ZFP1: variants seen among roughly 807,000 people sequenced by gnomAD.
ZFP1 encodes ZFP1 zinc finger protein.
A neutral mutation model predicts 38.5 loss-of-function variants in ZFP1; 32 were observed. That is an observed-to-expected ratio of 0.83 (90% CI 0.63 to 1.12). ZFP1 has a LOEUF of 1.12. Among genes scored for constraint, ZFP1 ranks in the 50% most tolerant of loss-of-function variants. The pLI is 0.00. For missense variants in ZFP1, 616 were observed against 480.8 expected (o/e 1.28, Z -2.63); for synonymous variants, 245 against 168.8 (o/e 1.45, Z -3.50).
At chr16:75,135,574 C>T in the ZFP1 span, among the ~76,000 whole-genome samples, 2 of 152,092 alleles carry the variant, frequency 1.3e-5, no homozygotes, top group Non-Finnish European at 2.9e-5. Context: ...CAAAGCTGTC[C>T]TCGAGTCTGG....
At chr16:75,131,025 C>G in the ZFP1 span, among the ~76,000 whole-genome samples, 2 of 152,146 alleles carry the variant, frequency 1.3e-5, no homozygotes, top group South Asian at 2.1e-4. Context: ...CCGCTTCCTC[C>G]CAACCTCCTC....
chr16:75,146,185 C>T (rs569690488), upstream of ZFP1, among the ~76,000 whole-genome samples: 20 of 148,278 alleles, frequency 1.3e-4, no homozygotes, highest in East Asian at 3.2e-3. Flanking sequence ...TTTTTGGAGA[C>T]GGGGTCTCGC....
the ZFP1 span, among the ~76,000 whole-genome samples, chr16:75,141,567 C>G: frequency 1.3e-5 from 2 of 151,894 alleles, no homozygotes; most frequent in Non-Finnish European, 2.9e-5. Context: ...AAAAAATGCA[C>G]TTAGGGCACA....
the ZFP1 span, among the ~76,000 whole-genome samples, chr16:75,120,518 GTTTTTTTTTGTT>G: frequency 2.1e-5 from 3 of 139,844 alleles, no homozygotes; most frequent in Non-Finnish European, 3.1e-5. Flanking sequence ...TTTTTTTTGG[GTTTTTTTTTGTT>G]TTTTTTTTTG....
the ZFP1 span, among the ~76,000 whole-genome samples, chr16:75,121,109 A>G: frequency 2.6e-5 from 4 of 152,088 alleles, no homozygotes; most frequent in Admixed American, 6.5e-5. Flanking sequence ...CTTAAAAGGT[A>G]GTCCCTTTAT....
chr16:75,121,366 C>A, the ZFP1 span, among the ~76,000 whole-genome samples: 2 of 151,966 alleles, frequency 1.3e-5, no homozygotes, highest in African/African-American at 4.8e-5. Context: ...ACCTTGTGAT[C>A]CGCCCACCTC....
intron 1 of ZFP1, chr16:75,149,058 G>C (rs2037043920): frequency 6.6e-6 from 1 of 151,328 alleles, no homozygotes; most frequent in Admixed American, 6.7e-5. Context: ...TGCCTCGTGG[G>C]TGGAGGAAGG....
chr16:75,142,968 C>A, the ZFP1 span, among the ~76,000 whole-genome samples: 63 of 151,916 alleles, frequency 4.1e-4, no homozygotes, highest in Middle Eastern at 3.4e-3. Flanking sequence ...TCCCAAAGTG[C>A]TGGGATTACA....
the ZFP1 span, among the ~76,000 whole-genome samples, chr16:75,139,654 C>T: frequency 2.0e-5 from 3 of 152,120 alleles, no homozygotes; most frequent in Non-Finnish European, 2.9e-5. Context: ...TGAGCTACCA[C>T]ACCTGGCCAG....
At chr16:75,141,741 T>TA in the ZFP1 span, among the ~76,000 whole-genome samples, 7,074 of 128,968 alleles carry the variant, frequency 0.055, 594 homozygotes, top group African/African-American at 0.19. Flanking sequence ...ACAAATTAAT[T>TA]TAAAAAAAAA....
intron 2 of ZFP1, 126 bp downstream of exon 2, chr16:75,153,092 A>C (rs946057619): frequency 1.0e-5 from 13 of 1,284,446 alleles, no homozygotes; most frequent in Non-Finnish European, 1.4e-5. Flanking sequence ...TAACTAATCA[A>C]TACCAGCAGC....
the ZFP1 span, among the ~76,000 whole-genome samples, chr16:75,123,358 A>ATT: frequency 0.015 from 2,184 of 144,698 alleles, 55 homozygotes; most frequent in African/African-American, 0.056. Flanking sequence ...TCTAAAATAT[A>ATT]TATATGTGTA....
chr16:75,161,785 T>A lies in ZFP1; in HGVS notation c.16-4985T>A, dbSNP rs1378852151. Among the ~76,000 whole-genome samples the A allele has an allele frequency of 5.3e-4, 37 of 69,656 alleles. 3 individuals carry two copies. Among genetic ancestry groups the A allele is most frequent in the African/African-American group, 1.0e-3 (21 of 20,134 alleles). The allele number at this position is 69,656 out of a possible 152,430, so 45.7% of individuals were successfully genotyped here. A position where few individuals can be genotyped will look rare whatever the true frequency, so the allele number is the denominator to read the frequency against. ...ATATATATATATATATTTTTTTTTT[T>A]TTTTTTTTTTTTTTTCCTGAGATGG... is the stretch of plus-strand genomic sequence containing the variant. On this transcript the variant is annotated intron_variant, in intron 2 of 3. Transcript: ENST00000570010.
In ZFP1 at chr16:75,167,055, C is replaced by G. The variant is rs150988380; in HGVS notation, c.142+159C>G. On this transcript the variant is annotated intron_variant, in intron 3 of 3. Transcript: ENST00000570010. Reference sequence around the variant, plus strand: ...TGCAGCCTTTAAAGCTCTATCATCTCCTTTCCTTTAAGGCTTCTGAAGTCC... The same window carrying G: ...TGCAGCCTTTAAAGCTCTATCATCTGCTTTCCTTTAAGGCTTCTGAAGTCC... 7,494 of 1,363,550 alleles carry G rather than the reference C, an allele frequency of 5.5e-3. 40 individuals are homozygous for G. The highest frequency in any genetic ancestry group is 0.016 in the South Asian group (1,059 of 64,502). 84.5% of individuals were successfully genotyped at this position (1,363,550 alleles called of 1,614,324 possible). A position where few individuals can be genotyped will look rare whatever the true frequency, so the allele number is the denominator to read the frequency against.
chr16:75,133,124 CAT>C, the ZFP1 span, among the ~76,000 whole-genome samples: 38 of 151,550 alleles, frequency 2.5e-4, 1 homozygote, highest in Admixed American at 4.6e-4. Flanking sequence ...ATTACAGGTG[CAT>C]GCCACCACGC....
At chr16:75,153,890 C>G (rs1224056058) in intron 2 of ZFP1, among the ~76,000 whole-genome samples, 1 of 152,336 alleles carries the variant, frequency 6.6e-6, no homozygotes, top group East Asian at 1.9e-4. Context: ...ACTGATCTTT[C>G]TACTGTCTCA....
the ZFP1 span, among the ~76,000 whole-genome samples, chr16:75,119,846 C>T: frequency 6.6e-6 from 1 of 151,224 alleles, no homozygotes; most frequent in Non-Finnish European, 1.5e-5. Flanking sequence ...TGGCTAAATT[C>T]ACACACACAC....
chr16:75,169,934 A>G lies in ZFP1; in HGVS notation c.824A>G (p.Lys275Arg). The change falls in exon 4 of 4, where the codon AAG becomes AGG. Residue 275 changes from lysine (K) to arginine (R), a missense_variant. Transcript: ENST00000570010. ...CCCTATGAGTGCAGTGAATGTGGAA[A>G]GACATTTGCCCAAAAGTTTGAACTC... ...KKPYECSECG[K>R]TFAQKFELTT... is the part of the protein sequence containing the mutation. The G allele has an allele frequency of 6.2e-7, 1 of 1,614,242 alleles. No homozygotes were observed. The highest frequency in any genetic ancestry group is 8.5e-7 in the Non-Finnish European group (1 of 1,180,042).
chr16:75,127,664 T>A, the ZFP1 span, among the ~76,000 whole-genome samples: 1 of 152,106 alleles, frequency 6.6e-6, no homozygotes, highest in East Asian at 1.9e-4. Context: ...CTTTGGAGAT[T>A]GTGACATCAG....
Sources: gnomAD v4.1 joint callset for allele counts (sites outside exome capture counted in the v4.1 genomes callset) on GRCh38, gnomAD v4.1.1 for gene constraint, MANE v1.5 for transcripts, NCBI Gene and HGNC (gene_info 2026-07-23, HGNC 2026-07-21) for gene names.